The following NCALD variants were observed in gnomAD, a reference collection of about 807,000 sequenced individuals.
NCALD encodes neurocalcin-delta.
A neutral mutation model predicts 18.6 loss-of-function variants in NCALD; 10 were observed. The ratio of observed to expected loss-of-function variants is 0.54; its 90% CI spans 0.33 to 0.91. The LOEUF is 0.91. Ranked by LOEUF, NCALD falls within the 40% of genes least tolerant of loss-of-function variation. The pLI is 0.03. For synonymous variants in NCALD, 88 were observed against 87.4 expected (o/e 1.01, Z -0.04); for missense variants, 184 against 247.6 (o/e 0.74, Z 1.72).
Position 101,688,798 on chromosome 8 carries a change from G to A in NCALD, c.*511C>T, listed in dbSNP as rs944825332. 1 of 614,718 alleles carries A rather than the reference G, an allele frequency of 1.6e-6. No individual in the cohort carries two copies. Among genetic ancestry groups the A allele is most frequent in the Non-Finnish European group, 3.0e-6 (1 of 331,308 alleles). The allele number at this position is 614,718 out of a possible 1,614,324, so 38.1% of individuals were successfully genotyped here. On this transcript the variant is annotated 3_prime_UTR_variant, in exon 4 of 4. Transcript: ENST00000220931. Reference sequence around the variant, plus strand: ...GGAAGAGAGGGGAGTGGGCCCCCATGGGGAAATGTCCCAGCTCGCTGGAAT... The same window carrying A: ...GGAAGAGAGGGGAGTGGGCCCCCATAGGGAAATGTCCCAGCTCGCTGGAAT...
intron 1 of NCALD, among the ~76,000 whole-genome samples, chr8:102,118,762 A>G (rs1825862591): frequency 6.6e-6 from 1 of 151,816 alleles, no homozygotes; most frequent in Non-Finnish European, 1.5e-5. Flanking sequence ...CTAACGTCCA[A>G]ACCTTCCGAT....
At chr8:102,046,591 G>A (rs972029190) in intron 1 of NCALD, among the ~76,000 whole-genome samples, 1 of 151,990 alleles carries the variant, frequency 6.6e-6, no homozygotes, top group African/African-American at 2.4e-5. Context: ...TGCAACCTCT[G>A]CCTCCCAGGC....
At chr8:101,811,140 C>G (rs1813290025) in intron 4 of NCALD, among the ~76,000 whole-genome samples, 1 of 152,148 alleles carries the variant, frequency 6.6e-6, no homozygotes, top group South Asian at 2.1e-4. Flanking sequence ...TCCCTGGAAC[C>G]TGTGAGTATG....
chr8:101,755,760 CA>C, intron 1 of NCALD, among the ~76,000 whole-genome samples: 1 of 152,310 alleles, frequency 6.6e-6, no homozygotes, highest in Admixed American at 6.5e-5. Context: ...TTGTAAACAG[CA>C]AAATAGGAGA....
intron 4 of NCALD, among the ~76,000 whole-genome samples, chr8:101,817,936 G>T (rs1306132591): frequency 2.0e-5 from 3 of 152,164 alleles, no homozygotes; most frequent in Non-Finnish European, 4.4e-5. Context: ...GAAGGATAAA[G>T]ATACAATCAG....
At chr8:102,032,622 T>TA (rs59283854) in intron 1 of NCALD, among the ~76,000 whole-genome samples, 16,669 of 104,848 alleles carry the variant, frequency 0.16, 1,428 homozygotes, top group Non-Finnish European at 0.18. Flanking sequence ...GAAAAACTGC[T>TA]AAAAAAAAAA....
chr8:101,846,053 A>G (rs1814855168), intron 4 of NCALD, among the ~76,000 whole-genome samples: 2 of 152,114 alleles, frequency 1.3e-5, no homozygotes, highest in Non-Finnish European at 1.5e-5. Flanking sequence ...GTATATATAC[A>G]TTTTCTTTAT....
intron 2 of NCALD, among the ~76,000 whole-genome samples, chr8:101,990,247 C>T (rs561007622): frequency 2.2e-4 from 34 of 152,252 alleles, no homozygotes; most frequent in African/African-American, 6.5e-4. Flanking sequence ...TCTTACAAAA[C>T]GTGATGATAG....
At chr8:101,811,803 T>C (rs934857463) in intron 4 of NCALD, among the ~76,000 whole-genome samples, 1 of 152,194 alleles carries the variant, frequency 6.6e-6, no homozygotes, top group Non-Finnish European at 1.5e-5. Context: ...GGTTGCCTAG[T>C]TGGCTTTTGG....
chr8:101,778,891 T>TA (rs533720324), intron 1 of NCALD, among the ~76,000 whole-genome samples: 99 of 152,174 alleles, frequency 6.5e-4, no homozygotes, highest in African/African-American at 2.3e-3. Context: ...AATAATAATT[T>TA]AAAAAATATC....
chr8:101,720,020 A>G (rs528221784), intron 1 of NCALD, among the ~76,000 whole-genome samples: 43 of 152,304 alleles, frequency 2.8e-4, no homozygotes, highest in African/African-American at 1.0e-3. Flanking sequence ...TAAATTTAAG[A>G]AGGCTGGGGT....
At chr8:101,854,973 G>C (rs1377323148) in intron 4 of NCALD, among the ~76,000 whole-genome samples, 4 of 152,120 alleles carry the variant, frequency 2.6e-5, no homozygotes, top group Non-Finnish European at 5.9e-5. Context: ...CACAAATATA[G>C]CAGCAAGGGC....
intron 1 of NCALD, among the ~76,000 whole-genome samples, chr8:102,088,010 C>T (rs2132359956): frequency 6.6e-6 from 1 of 152,188 alleles, no homozygotes; most frequent in African/African-American, 2.4e-5. Flanking sequence ...ATTTGTGAGG[C>T]TAATCTTAAG....
chr8:101,898,310 A>G (rs1373845831), intron 3 of NCALD, among the ~76,000 whole-genome samples: 2 of 152,168 alleles, frequency 1.3e-5, no homozygotes, highest in Non-Finnish European at 2.9e-5. Context: ...ACATCTTTTC[A>G]TGAGCTTATT....
intron 4 of NCALD, among the ~76,000 whole-genome samples, chr8:101,849,096 G>A (rs990642382): frequency 1.3e-5 from 2 of 152,072 alleles, no homozygotes; most frequent in African/African-American, 2.4e-5. Flanking sequence ...CTTAGCAAAC[G>A]AATGCAGGAA....
chr8:102,105,822 C>CTTCGCA (rs1485096772), intron 1 of NCALD, among the ~76,000 whole-genome samples: 1 of 152,168 alleles, frequency 6.6e-6, no homozygotes, highest in East Asian at 1.9e-4. Flanking sequence ...CTGACTCCCA[C>CTTCGCA]TTCGCACACA....
At chr8:101,885,768 C>T (rs1413287591) in intron 4 of NCALD, among the ~76,000 whole-genome samples, 1 of 152,204 alleles carries the variant, frequency 6.6e-6, no homozygotes, top group African/African-American at 2.4e-5. Context: ...CCAATAGCAT[C>T]ATAGTGATTA....
chr8:101,750,917 T>C (rs1810629641), intron 1 of NCALD, among the ~76,000 whole-genome samples: 1 of 152,230 alleles, frequency 6.6e-6, no homozygotes, highest in Non-Finnish European at 1.5e-5. Flanking sequence ...GCTCTCGTTT[T>C]CAGCAAGGAA....
intron 2 of NCALD, among the ~76,000 whole-genome samples, chr8:101,975,626 C>T (rs747464153): frequency 7.9e-5 from 12 of 152,176 alleles, no homozygotes; most frequent in Non-Finnish European, 1.0e-4. Flanking sequence ...GAGACCTCTA[C>T]GATTTAAGGT....
Sources: allele counts gnomAD v4.1 joint callset (sites outside exome capture counted in the v4.1 genomes callset), GRCh38; gene constraint gnomAD v4.1.1; transcripts MANE v1.5; gene names NCBI Gene and HGNC (gene_info 2026-07-23, HGNC 2026-07-21).